UGGT2: variants seen among roughly 807,000 people sequenced by gnomAD.
UGGT2 encodes UDP-glucose:glycoprotein glucosyltransferase 2.
In UGGT2, 180 loss-of-function variants were observed where a neutral mutation model predicts 192.1. The ratio of observed to expected loss-of-function variants is 0.94; its 90% confidence interval spans 0.83 to 1.06. The LOEUF is 1.06. Ranked by LOEUF, UGGT2 falls within the 50% of genes least tolerant of loss-of-function variation. UGGT2 has a pLI of 0.00. For missense variants in UGGT2, 1,849 were observed against 1,795.7 expected, an observed-to-expected ratio of 1.03 and a Z score of -0.54; for synonymous variants, 580 against 591.0, an observed-to-expected ratio of 0.98 and a Z score of 0.27.
chr13:95,968,445 T>C (rs922228406), intron 12 of UGGT2, among the ~76,000 whole-genome samples: 4 of 152,166 alleles, frequency 2.6e-5, no homozygotes, highest in African/African-American at 4.8e-5. Flanking sequence ...TTACGCTGAA[T>C]TGTAATCCCC....
intron 5 of UGGT2, among the ~76,000 whole-genome samples, chr13:96,004,261 ATATGT>A (rs2051900623): frequency 6.6e-6 from 1 of 152,062 alleles, no homozygotes; most frequent in Admixed American, 6.5e-5. Flanking sequence ...TTTATGGGGT[ATATGT>A]TATAATTTGA....
intron 10 of UGGT2, among the ~76,000 whole-genome samples, chr13:95,975,577 C>A (rs889391616): frequency 6.6e-6 from 1 of 152,072 alleles, no homozygotes; most frequent in Admixed American, 6.5e-5. Flanking sequence ...GAAATAAATG[C>A]AAATCCTAAT....
rs376169284 is a variant in UGGT2 at position 95,890,952 on chromosome 13, C to T, written c.2868G>A (p.Thr956=). The T allele has an allele frequency of 8.4e-5, 136 of 1,609,764 alleles. No homozygotes were observed. The highest frequency in any genetic ancestry group is 1.1e-4 in the Non-Finnish European group (132 of 1,177,700). The change falls in exon 25 of 39, where the codon ACG becomes ACA. Residue 956 remains threonine (T), a synonymous_variant. Transcript: ENST00000376747. ...AGAACATATCATTCTCTTGAGGATT[C>T]GTCTTTATAACACTAAGAAAATAGA... ...FLRENHSVIK[T]NPQENDMFFN...
intron 20 of UGGT2, among the ~76,000 whole-genome samples, chr13:95,904,953 A>T (rs1384475494): frequency 4.6e-5 from 7 of 150,680 alleles, no homozygotes; most frequent in Non-Finnish European, 7.4e-5. Context: ...CCTCTCCAGC[A>T]CCTGTTGTTT....
intron 38 of UGGT2, among the ~76,000 whole-genome samples, chr13:95,823,158 A>G (rs557949747): frequency 2.0e-5 from 3 of 152,074 alleles, no homozygotes; most frequent in Non-Finnish European, 4.4e-5. Context: ...AAGATACTTG[A>G]TATGATCTCG....
chr13:95,868,879 C>T (rs1890932651), intron 29 of UGGT2, among the ~76,000 whole-genome samples: 2 of 151,630 alleles, frequency 1.3e-5, no homozygotes, highest in African/African-American at 2.4e-5. Context: ...TTACTTCAGG[C>T]ACTGTTTTTT....
chr13:95,816,948 G>A (rs552190476), intron 38 of UGGT2, among the ~76,000 whole-genome samples: 26 of 151,874 alleles, frequency 1.7e-4, no homozygotes, highest in African/African-American at 3.9e-4. Context: ...CCAACATGGC[G>A]AAACCCCCTC....
chr13:96,021,822 G>C (rs2052523189), intron 4 of UGGT2, among the ~76,000 whole-genome samples: 1 of 152,078 alleles, frequency 6.6e-6, no homozygotes, highest in Non-Finnish European at 1.5e-5. Context: ...AAGCAGGTGT[G>C]AACAGAGAAA....
chr13:95,974,434 C>A, intron 10 of UGGT2, among the ~76,000 whole-genome samples: 1 of 152,130 alleles, frequency 6.6e-6, no homozygotes, highest in East Asian at 1.9e-4. Flanking sequence ...ACAAAGTACA[C>A]CAAGCATGCA....
intron 10 of UGGT2, among the ~76,000 whole-genome samples, chr13:95,975,163 A>G (rs2050897835): frequency 6.6e-6 from 1 of 152,222 alleles, no homozygotes; most frequent in South Asian, 2.1e-4. Context: ...AGGAAGTAGG[A>G]ATATGAATAT....
intron 12 of UGGT2, among the ~76,000 whole-genome samples, chr13:95,961,327 C>A (rs1184631356): frequency 1.3e-5 from 2 of 152,198 alleles, no homozygotes; most frequent in Non-Finnish European, 1.5e-5. Flanking sequence ...GATTAAAAAA[C>A]AAGACCCATC....
intron 6 of UGGT2, 33 bp downstream of exon 6, chr13:95,999,178 C>A: frequency 6.4e-7 from 1 of 1,573,498 alleles, no homozygotes; most frequent in African/African-American, 1.4e-5. Flanking sequence ...TCCAACTTTT[C>A]ATTCTACTCA....
intron 20 of UGGT2, among the ~76,000 whole-genome samples, chr13:95,910,470 C>T (rs749568396): frequency 2.7e-4 from 41 of 152,002 alleles, no homozygotes; most frequent in Non-Finnish European, 5.0e-4. Flanking sequence ...TTTAAACCAA[C>T]AAAGATTAAA....
chr13:95,927,660 G>GT (rs1351869163), intron 17 of UGGT2, among the ~76,000 whole-genome samples: 2 of 150,992 alleles, frequency 1.3e-5, no homozygotes, highest in African/African-American at 2.4e-5. Context: ...CTTTTTTGTT[G>GT]TTTTTTTAAA....
chr13:95,847,061 C>CTT (rs71113956), intron 36 of UGGT2, among the ~76,000 whole-genome samples: 15 of 97,374 alleles, frequency 1.5e-4, no homozygotes, highest in South Asian at 9.7e-4. Context: ...CTTTTCTTTT[C>CTT]TTTTTTTTTT....
At chr13:95,824,072 T>C (rs971312439) in intron 38 of UGGT2, among the ~76,000 whole-genome samples, 1 of 152,118 alleles carries the variant, frequency 6.6e-6, no homozygotes, top group African/African-American at 2.4e-5. Context: ...GGATACAAAA[T>C]TCTTGACTAA....
chr13:96,036,394 C>G (rs7334508), intron 1 of UGGT2, among the ~76,000 whole-genome samples: 65,026 of 151,682 alleles, frequency 0.43, 14,184 homozygotes, highest in Non-Finnish European at 0.46. Flanking sequence ...ACACACTGGA[C>G]TCTGTTGGAA....
chr13:95,915,931 G>A (rs1258048592), intron 20 of UGGT2, among the ~76,000 whole-genome samples: 2 of 152,184 alleles, frequency 1.3e-5, no homozygotes, highest in African/African-American at 4.8e-5. Flanking sequence ...TGGGAGAAGC[G>A]GCTACCATCT....
intron 24 of UGGT2, among the ~76,000 whole-genome samples, chr13:95,893,066 G>T (rs1161894053): frequency 6.6e-6 from 1 of 151,914 alleles, no homozygotes; most frequent in Admixed American, 6.6e-5. Flanking sequence ...TCAGGGCTGG[G>T]GAAAAAATAT....
Sources: gnomAD v4.1 joint callset for allele counts (sites outside exome capture counted in the v4.1 genomes callset) on GRCh38, gnomAD v4.1.1 for gene constraint, MANE v1.5 for transcripts, NCBI Gene and HGNC (gene_info 2026-07-23, HGNC 2026-07-21) for gene names.